RAD51: variants seen among roughly 807,000 people sequenced by gnomAD.
RAD51 encodes DNA repair protein RAD51 homolog 1.
In RAD51, 14 loss-of-function variants were observed where a neutral mutation model predicts 41.5. The ratio of observed to expected loss-of-function variants is 0.34; its 90% CI spans 0.22 to 0.53. The LOEUF is 0.53. Ranked by LOEUF, RAD51 falls within the 20% of genes least tolerant of loss-of-function variation. The pLI, the probability that RAD51 is intolerant of heterozygous loss-of-function variation, is 0.95. For synonymous variants in RAD51, 136 were observed against 148.6 expected (o/e 0.92, Z 0.62); for missense variants, 234 against 422.0 (o/e 0.55, Z 3.90).
chr15:40,710,283 A>G (rs1432108212), intron 5 of RAD51, among the ~76,000 whole-genome samples: 2 of 147,862 alleles, frequency 1.4e-5, no homozygotes, highest in African/African-American at 4.9e-5. Context: ...AGAAGAAAAA[A>G]AAAAGATCAG....
chr15:40,711,493 G>T (rs1304753438), intron 5 of RAD51, among the ~76,000 whole-genome samples: 1 of 152,132 alleles, frequency 6.6e-6, no homozygotes, highest in East Asian at 1.9e-4. Flanking sequence ...AAACATGCCT[G>T]ATATATAAAA....
intron 6 of RAD51, among the ~76,000 whole-genome samples, chr15:40,725,103 G>T (rs1010420012): frequency 1.3e-5 from 2 of 151,662 alleles, no homozygotes; most frequent in African/African-American, 4.8e-5. Context: ...GTTTCACCTT[G>T]TTAGCCAGGA....
intron 6 of RAD51, among the ~76,000 whole-genome samples, chr15:40,724,397 A>T (rs1268053186): frequency 6.6e-6 from 1 of 152,184 alleles, no homozygotes; most frequent in African/African-American, 2.4e-5. Context: ...GACCTAGTAG[A>T]ATATAGGCTA....
In RAD51 at chr15:40,701,099, G is replaced by A; in HGVS notation, c.123G>A (p.Leu41=). The change falls in exon 3 of 10, where the codon TTG becomes TTA. Residue 41 remains leucine, a synonymous_variant. Transcript: ENST00000267868. ...CGINANDVKK[L]EEAGFHTVEA... is the part of the protein sequence containing the mutation. ...TAAATGCCAACGATGTGAAGAAATT[G>A]GAAGAAGCTGGATTCCATACTGTGG... 6.2e-7 allele frequency: 1 copy of A among 1,614,236 alleles called. No individual in the cohort carries two copies. Among genetic ancestry groups the A allele is most frequent in the South Asian group, 1.1e-5 (1 of 91,086 alleles).
chr15:40,712,862 T>TC (rs894634154), intron 5 of RAD51, among the ~76,000 whole-genome samples: 1 of 140,844 alleles, frequency 7.1e-6, no homozygotes, highest in Non-Finnish European at 1.5e-5. Context: ...GTTGAGTTTT[T>TC]TTTTCTTTTC....
intron 3 of RAD51, among the ~76,000 whole-genome samples, chr15:40,703,831 C>G (rs1353139765): frequency 6.6e-6 from 1 of 151,826 alleles, no homozygotes; most frequent in Non-Finnish European, 1.5e-5. Context: ...TAGTTTCTAC[C>G]CTAACCTGTA....
intron 6 of RAD51, among the ~76,000 whole-genome samples, chr15:40,722,002 AT>A (rs566752173): frequency 5.3e-5 from 8 of 152,214 alleles, no homozygotes; most frequent in Non-Finnish European, 8.8e-5. Context: ...AAGAAAACAC[AT>A]TTTTTTTCTT....
intron 5 of RAD51, 25 bp downstream of exon 5, chr15:40,709,141 T>C (rs374662407): frequency 6.4e-7 from 1 of 1,570,770 alleles, no homozygotes; most frequent in Admixed American, 1.7e-5. Context: ...CTATAGCTAA[T>C]CAAATAAGCA....
chr15:40,724,697 T>TG (rs1896468749), intron 6 of RAD51, among the ~76,000 whole-genome samples: 2 of 137,108 alleles, frequency 1.5e-5, no homozygotes, highest in Non-Finnish European at 1.6e-5. Flanking sequence ...TTTTTTTTTT[T>TG]GAGACAGAGT....
At chr15:40,709,812 A>T (rs1895575562) in intron 5 of RAD51, among the ~76,000 whole-genome samples, 1 of 152,168 alleles carries the variant, frequency 6.6e-6, no homozygotes, top group Admixed American at 6.5e-5. Flanking sequence ...CTGTACCCAA[A>T]TAGCTGATTA....
chr15:40,698,996 GGC>G (rs1180907727), intron 2 of RAD51, 151 bp downstream of exon 2: 5 of 756,468 alleles, frequency 6.6e-6, no homozygotes, highest in Non-Finnish European at 1.1e-5. Flanking sequence ...CCTGTGGAAA[GGC>G]TGCAGATCAT....
intron 5 of RAD51, among the ~76,000 whole-genome samples, chr15:40,712,910 G>A (rs1358644517): frequency 1.0e-5 from 1 of 97,382 alleles, no homozygotes; most frequent in African/African-American, 4.0e-5. Context: ...AAAGAGTCTT[G>A]CTCTGTTGCC....
rs869156620 is a variant in RAD51 at position 40,724,674 on chromosome 15, C to CTTTTTT, written c.531-4019_531-4014dup. ...CCAAGCCCAGCTAATTTTTTTATTTCTTTTTTTTTTTTTTTTTTTTTTTGA... is the reference window on the plus strand; with the variant it reads ...CCAAGCCCAGCTAATTTTTTTATTTCTTTTTTTTTTTTTTTTTTTTTTTTTTTTTGA... On this transcript the variant is annotated intron_variant, in intron 6 of 9. Transcript: ENST00000267868. Among the ~76,000 whole-genome samples the CTTTTTT allele has an allele frequency of 4.5e-4, 42 of 94,352 alleles. 1 individual carries two copies. Among genetic ancestry groups the CTTTTTT allele is most frequent in the East Asian group, 8.5e-4 (2 of 2,340 alleles). 61.9% of individuals were successfully genotyped at this position (94,352 alleles called of 152,430 possible). A position where few individuals can be genotyped will look rare whatever the true frequency, so the allele number is the denominator to read the frequency against.
chr15:40,697,258 G>A (rs577326479), intron 1 of RAD51, among the ~76,000 whole-genome samples: 24 of 152,100 alleles, frequency 1.6e-4, no homozygotes, highest in African/African-American at 5.5e-4. Flanking sequence ...GTGCCACCAC[G>A]CCCAGCTAAT....
rs897052389 is a variant in RAD51, at chr15:40,701,351, CTTTTCTTTTCTTTTTTTTTTCTTTCT to C, written c.225+155_225+180del. The stretch of plus-strand genomic sequence containing the variant: ...TGTTACCTGTTTCTTTTCTTCTTTT[CTTTTCTTTTCTTTTTTTTTTCTTTCT>C]TTTTTTTTTTTTTTGGAGACGGGTT... On this transcript the variant is annotated intron_variant, in intron 3 of 9. Transcript: ENST00000267868. The C allele has an allele frequency of 3.2e-5, 23 of 719,180 alleles. 1 individual carries two copies. In the South Asian group the frequency reaches 3.5e-4, roughly 11 times the overall value. The allele number at this position is 719,180 out of a possible 1,614,324, so 44.5% of individuals were successfully genotyped here. A position where few individuals can be genotyped will look rare whatever the true frequency, so the allele number is the denominator to read the frequency against.
chr15:40,703,039 A>G (rs546152223), intron 3 of RAD51, among the ~76,000 whole-genome samples: 1 of 152,066 alleles, frequency 6.6e-6, no homozygotes, highest in Non-Finnish European at 1.5e-5. Flanking sequence ...TCACCAAAGG[A>G]AGTAGTCTAT....
In RAD51 at chr15:40,696,799, TCTG is replaced by T. The variant is rs1287959578; in HGVS notation, c.-3+1378_-3+1380del. ...TTTCAGCCTTTTTGATTTTAACTAT[TCTG>T]CTGGTTACACAGTAATGTCTTAATG... On this transcript the variant is annotated intron_variant, in intron 1 of 9. Transcript: ENST00000267868. Among the ~76,000 whole-genome samples, 33 of 152,206 alleles carry T rather than the reference TCTG, an allele frequency of 2.2e-4. 1 individual carries two copies. The highest frequency in any genetic ancestry group is 1.5e-5 in the Non-Finnish European group (1 of 68,040).
At chr15:40,719,471 T>C (rs1478742624) in intron 6 of RAD51, among the ~76,000 whole-genome samples, 1 of 152,144 alleles carries the variant, frequency 6.6e-6, no homozygotes, top group Non-Finnish European at 1.5e-5. Context: ...GAGAAAGATA[T>C]TGCATGCAAA....
intron 6 of RAD51, among the ~76,000 whole-genome samples, chr15:40,725,622 C>G (rs923489025): frequency 3.9e-5 from 6 of 152,146 alleles, no homozygotes; most frequent in African/African-American, 1.4e-4. Flanking sequence ...GTTAGAAATG[C>G]AAATTGTCTG....
Sources: gnomAD v4.1 joint callset for allele counts (sites outside exome capture counted in the v4.1 genomes callset) on GRCh38, gnomAD v4.1.1 for gene constraint, MANE v1.5 for transcripts, NCBI Gene and HGNC (gene_info 2026-07-23, HGNC 2026-07-21) for gene names.